The following SESN2 variants were observed in gnomAD, a reference collection of about 807,000 sequenced individuals.
SESN2 encodes the protein sestrin-2.
SESN2 carries 42 observed loss-of-function variants against 56.0 expected under a neutral mutation model. That is an observed-to-expected ratio of 0.75 (90% CI 0.59 to 0.97). SESN2 has a LOEUF of 0.97. SESN2 is among the 50% of genes least tolerant of loss of function. The pLI, the probability that SESN2 is intolerant of heterozygous loss-of-function variation, is 0.00. For synonymous variants in SESN2, 264 were observed against 267.1 expected (o/e 0.99, Z 0.11); for missense variants, 507 against 649.4 (o/e 0.78, Z 2.38).
intron 1 of SESN2, among the ~76,000 whole-genome samples, chr1:28,262,670 T>C (rs1647418956): frequency 6.8e-6 from 1 of 146,144 alleles, no homozygotes; most frequent in African/African-American, 2.6e-5. Flanking sequence ...GGCTCGCACC[T>C]GTAATCCAAG....
At chr1:28,262,873 A>G (rs1647429190) in intron 1 of SESN2, among the ~76,000 whole-genome samples, 1 of 152,194 alleles carries the variant, frequency 6.6e-6, no homozygotes, top group African/African-American at 2.4e-5. Flanking sequence ...GGTTGCAGTG[A>G]GCCGAGATCG....
Position 28,274,973 on chromosome 1 carries a change from G to A in SESN2, c.1169G>A (p.Arg390His). Reference sequence around the variant, plus strand: ...AGTGGTGTGGACACCTCCGTGCTCCGCAGGGCCATCTGGAACTATATCCAC... The same window carrying A: ...AGTGGTGTGGACACCTCCGTGCTCCACAGGGCCATCTGGAACTATATCCAC... ...MHSGVDTSVL[R>H]RAIWNYIHCV... The change falls in exon 8 of 10, where the codon CGC becomes CAC. Residue 390 changes from arginine to histidine, a missense_variant. By Grantham distance (29) the Arg-to-His change is conservative. Coordinates refer to ENST00000253063, the MANE Select transcript of SESN2 (RefSeq NM_031459.5). 1 of 1,614,056 alleles carries A rather than the reference G, an allele frequency of 6.2e-7. No individual in the cohort carries two copies.
At chr1:28,265,645 T>C (rs1289608783) in intron 1 of SESN2, among the ~76,000 whole-genome samples, 1 of 152,206 alleles carries the variant, frequency 6.6e-6, no homozygotes, top group Non-Finnish European at 1.5e-5. Flanking sequence ...TCCGCCTGCC[T>C]CGGCCTCTCA....
chr1:28,271,998 C>A, intron 3 of SESN2, 127 bp downstream of exon 3: 1 of 986,114 alleles, frequency 1.0e-6, no homozygotes, highest in Non-Finnish European at 1.5e-6. Flanking sequence ...CTTTATCTAA[C>A]TGTAGAGTTT....
At chr1:28,260,916 C>T (rs977891508) in intron 1 of SESN2, among the ~76,000 whole-genome samples, 2 of 152,096 alleles carry the variant, frequency 1.3e-5, no homozygotes, top group Non-Finnish European at 2.9e-5. Flanking sequence ...ACTAAACCAG[C>T]AATACAAGCT....
intron 1 of SESN2, among the ~76,000 whole-genome samples, chr1:28,263,662 T>C (rs1647459799): frequency 6.6e-6 from 1 of 151,980 alleles, no homozygotes; most frequent in African/African-American, 2.4e-5. Flanking sequence ...GACAGAACCC[T>C]TGGAAGCCAG....
chr1:28,269,102 A>G, intron 1 of SESN2, 81 bp from the exon 2 acceptor site: 2 of 1,012,198 alleles, frequency 2.0e-6, no homozygotes, highest in Non-Finnish European at 1.5e-6. Context: ...AGCCCCTTGG[A>G]TAGGAGGAAG....
rs1406260271 is a variant in SESN2 at position 28,279,127 on chromosome 1, C to A, written c.1242C>A (p.Asn414Lys). 1 of 1,614,016 alleles carries A rather than the reference C, an allele frequency of 6.2e-7. No homozygotes were observed. The change falls in exon 9 of 10, where the codon AAC becomes AAA. Residue 414 changes from asparagine (N) to lysine (K), a missense_variant. By Grantham distance (94) the Asn-to-Lys change is moderately conservative. Transcript: ENST00000253063. The stretch of plus-strand genomic sequence containing the variant: ...ATGACTATGATTATGGGGAGGTGAA[C>A]CAGCTCCTGGAGCGGAACCTCAAGG... ...RYDDYDYGEV[N>K]QLLERNLKVY... is the part of the protein sequence containing the mutation.
chr1:28,267,588 G>T (rs1399931256), intron 1 of SESN2, among the ~76,000 whole-genome samples: 1 of 152,208 alleles, frequency 6.6e-6, no homozygotes, highest in Non-Finnish European at 1.5e-5. Context: ...TGTCCAGTGA[G>T]AGCATGGCTC....
chr1:28,261,304 G>A (rs1187104812), intron 1 of SESN2, among the ~76,000 whole-genome samples: 23 of 152,158 alleles, frequency 1.5e-4, no homozygotes, highest in Admixed American at 1.5e-3. Context: ...TCTCAGCTGT[G>A]TGACTTCTTT....
At chr1:28,265,126 G>A (rs1365091151) in intron 1 of SESN2, among the ~76,000 whole-genome samples, 1 of 152,194 alleles carries the variant, frequency 6.6e-6, no homozygotes, top group African/African-American at 2.4e-5. Flanking sequence ...GGTAGTGCAT[G>A]TGAAATTAAT....
chr1:28,269,074 G>T (rs1252231187), intron 1 of SESN2, 109 bp from the exon 2 acceptor site: 1 of 662,540 alleles, frequency 1.5e-6, no homozygotes, highest in African/African-American at 1.9e-5. Flanking sequence ...TAGAAAGGTG[G>T]GTTTAACACT....
chr1:28,265,832 G>C (rs1647544448), intron 1 of SESN2, among the ~76,000 whole-genome samples: 1 of 145,352 alleles, frequency 6.9e-6, no homozygotes, highest in African/African-American at 2.4e-5. Flanking sequence ...AGGCCCCCTA[G>C]ATCTTTACAG....
Position 28,273,549 on chromosome 1 carries a change from T to C in SESN2, c.901+41T>C, listed in dbSNP as rs755004514. 9 of 1,493,500 alleles carry C rather than the reference T, an allele frequency of 6.0e-6. No homozygotes were observed. In the Admixed American group the frequency reaches 9.6e-5, roughly 16 times the overall value. 92.5% of individuals were successfully genotyped at this position (1,493,500 alleles called of 1,614,324 possible). A position where few individuals can be genotyped will look rare whatever the true frequency, so the allele number is the denominator to read the frequency against. Reference sequence around the variant, plus strand: ...CATCCAGGCTCCCGTGGCTGCTCCTTCTTAGGCTATCTCTGGTGAGGAGGA... The same window carrying C: ...CATCCAGGCTCCCGTGGCTGCTCCTCCTTAGGCTATCTCTGGTGAGGAGGA... On this transcript the variant is annotated intron_variant, in intron 6 of 9. Coordinates refer to ENST00000253063, the MANE Select transcript of SESN2 (RefSeq NM_031459.5).
chr1:28,263,820 C>T (rs1184282732), intron 1 of SESN2, among the ~76,000 whole-genome samples: 1 of 152,144 alleles, frequency 6.6e-6, no homozygotes, highest in Non-Finnish European at 1.5e-5. Flanking sequence ...AACCCTTAGT[C>T]TTGTGTGCAA....
intron 1 of SESN2, among the ~76,000 whole-genome samples, chr1:28,266,677 A>G (rs1487737269): frequency 6.7e-6 from 1 of 149,234 alleles, no homozygotes; most frequent in Non-Finnish European, 1.5e-5. Flanking sequence ...CTCCTGCCTC[A>G]GCCTCCTGAG....
intron 1 of SESN2, among the ~76,000 whole-genome samples, chr1:28,261,046 C>T (rs1647359864): frequency 6.6e-6 from 1 of 152,140 alleles, no homozygotes; most frequent in African/African-American, 2.4e-5. Flanking sequence ...GGAGATTGCA[C>T]GGCACTAGGA....
At position 28,272,673 on chromosome 1, in the gene SESN2, C is replaced by T. The variant is rs376476503; in HGVS notation, c.630C>T (p.Phe210=). The stretch of plus-strand genomic sequence containing the variant: ...CCCACTGCCACTCGCTCTCCTCCTT[C>T]GTGTTTGGCTGTGGCATCCTCCCTG... ...LLTHCHSLSS[F]VFGCGILPEG... is the part of the protein sequence containing the mutation. The change falls in exon 5 of 10, where the codon TTC becomes TTT. Residue 210 remains phenylalanine, a synonymous_variant. Coordinates refer to ENST00000253063, the MANE Select transcript of SESN2 (RefSeq NM_031459.5). 5.9e-5 allele frequency: 95 copies of T among 1,613,990 alleles called. No individual in the cohort carries two copies. The highest frequency in any genetic ancestry group is 7.7e-5 in the Non-Finnish European group (91 of 1,179,988).
chr1:28,271,634 C>G (rs538325405), intron 2 of SESN2, 40 bp from the exon 3 acceptor site: 29 of 1,518,310 alleles, frequency 1.9e-5, no homozygotes, highest in Non-Finnish European at 2.5e-5. Flanking sequence ...ATGAGTGGGG[C>G]AGGAGGGAAA....
Sources: allele counts gnomAD v4.1 joint callset (sites outside exome capture counted in the v4.1 genomes callset), GRCh38; gene constraint gnomAD v4.1.1; transcripts MANE v1.5; gene names NCBI Gene and HGNC (gene_info 2026-07-23, HGNC 2026-07-21).